RARB: variants seen among roughly 807,000 people sequenced by gnomAD.
RARB encodes HBV-activated protein.
RARB carries 17 observed loss-of-function variants against 51.9 expected under a neutral mutation model. The observed-to-expected ratio is 0.33, with a 90% CI of 0.22 to 0.49. The LOEUF is 0.49. Ranked by LOEUF, RARB falls within the 20% of genes least tolerant of loss-of-function variation. The probability of loss-of-function intolerance (pLI) is 0.99; values close to 1 mark genes in which losing one functional copy is unlikely to be tolerated. For missense variants in RARB, 369 were observed against 550.8 expected (o/e 0.67, Z 3.30); for synonymous variants, 215 against 195.4 (o/e 1.10, Z -0.84).
chr3:25,407,628 T>G (rs1707447248), intron 5 of RARB, among the ~76,000 whole-genome samples: 1 of 152,186 alleles, frequency 6.6e-6, no homozygotes. Flanking sequence ...TTTGCACATG[T>G]GCACATGCAT....
rs779240133 is a variant in RARB at position 25,200,289 on chromosome 3, GT to G, written c.178+25725del. ...ATATCATTTGCCCACTTTCTGGTGG[GT>G]TTTTTTTTTTCTTGTAAATTTGTTT... On this transcript the variant is annotated intron_variant, in intron 5 of 11. Coordinates refer to the RARB transcript ENST00000383772. 4.2e-3 allele frequency among the ~76,000 whole-genome samples: 608 copies of G among 146,270 alleles called. 1 individual carries two copies. Among genetic ancestry groups the G allele is most frequent in the African/African-American group, 0.01 (421 of 40,204 alleles).
intron 2 of RARB, among the ~76,000 whole-genome samples, chr3:25,046,807 A>T (rs1306045822): frequency 2.6e-5 from 4 of 152,192 alleles, no homozygotes; most frequent in African/African-American, 4.8e-5. Context: ...ATTAAGCTTG[A>T]CTAATAGTTA....
intron 2 of RARB, among the ~76,000 whole-genome samples, chr3:24,959,516 G>C (rs1307196689): frequency 6.6e-6 from 1 of 152,272 alleles, no homozygotes; most frequent in South Asian, 2.1e-4. Flanking sequence ...CATGGAGTGG[G>C]GCGGGGTAGG....
chr3:25,360,151 G>T (rs997407560), intron 5 of RARB, among the ~76,000 whole-genome samples: 1 of 152,164 alleles, frequency 6.6e-6, no homozygotes, highest in Non-Finnish European at 1.5e-5. Context: ...TTATGAATCT[G>T]GGTGCTCCTG....
intron 2 of RARB, among the ~76,000 whole-genome samples, chr3:24,910,582 T>C (rs1417061594): frequency 2.0e-5 from 3 of 152,204 alleles, no homozygotes; most frequent in African/African-American, 4.8e-5. Flanking sequence ...AGAGGCTCAA[T>C]ATGATAAAAG....
chr3:25,527,778 G>A (rs77752358), intron 3 of RARB, among the ~76,000 whole-genome samples: 3,175 of 152,208 alleles, frequency 0.021, 109 homozygotes, highest in African/African-American at 0.073. Context: ...GACTAAAACT[G>A]TAAAACTAAC....
intron 4 of RARB, among the ~76,000 whole-genome samples, chr3:25,572,753 G>A (rs1198783909): frequency 1.3e-5 from 2 of 152,128 alleles, no homozygotes; most frequent in Admixed American, 6.5e-5. Context: ...AGGTCATGAG[G>A]TGAGCGACTT....
chr3:25,045,127 G>A (rs1224858355), intron 2 of RARB, among the ~76,000 whole-genome samples: 3 of 152,170 alleles, frequency 2.0e-5, no homozygotes, highest in Non-Finnish European at 2.9e-5. Flanking sequence ...TCTGTTTCTA[G>A]GAAATGACTG....
At chr3:25,301,778 AC>A (rs372518828) in intron 5 of RARB, among the ~76,000 whole-genome samples, 29 of 152,346 alleles carry the variant, frequency 1.9e-4, no homozygotes, top group African/African-American at 7.0e-4. Context: ...GGCTTCAGCC[AC>A]AGTGGAAAGT....
At chr3:24,873,771 T>A (rs534395042) in intron 2 of RARB, among the ~76,000 whole-genome samples, 171 of 152,148 alleles carry the variant, frequency 1.1e-3, no homozygotes, top group Non-Finnish European at 2.1e-3. Flanking sequence ...ATTATTTGAT[T>A]ATCTTTGAAT....
chr3:25,516,377 A>G (rs1024493553), intron 3 of RARB, among the ~76,000 whole-genome samples: 80 of 152,208 alleles, frequency 5.3e-4, no homozygotes, highest in Non-Finnish European at 2.1e-4. Context: ...GTGATTTATG[A>G]ACTTATGTGG....
chr3:25,034,861 G>C (rs1353876628), intron 2 of RARB, among the ~76,000 whole-genome samples: 3 of 152,148 alleles, frequency 2.0e-5, no homozygotes, highest in Admixed American at 1.3e-4. Flanking sequence ...GGAAACATTG[G>C]AGTGCCATTT....
chr3:25,250,313 G>T lies in RARB; in HGVS notation c.178+75738G>T, dbSNP rs112069567. ...TCTATCCTCAGGCTCCATGTGATGTGTGCAGGCACTGGCTAGGGTAGACAG... is the reference window on the plus strand; with the variant it reads ...TCTATCCTCAGGCTCCATGTGATGTTTGCAGGCACTGGCTAGGGTAGACAG... On this transcript the variant is annotated intron_variant, in intron 5 of 11. Coordinates refer to the RARB transcript ENST00000383772. Among the ~76,000 whole-genome samples, 428 of 152,304 alleles carry T rather than the reference G, an allele frequency of 2.8e-3. 3 individuals are homozygous for T. Among genetic ancestry groups the T allele is most frequent in the African/African-American group, 9.9e-3 (413 of 41,570 alleles).
In RARB at chr3:25,411,395, C is replaced by T. The variant is rs148654776; in HGVS notation, c.179-49798C>T. Among the ~76,000 whole-genome samples the T allele has an allele frequency of 9.4e-4, 143 of 152,316 alleles. 1 individual carries two copies. Among genetic ancestry groups the T allele is most frequent in the Admixed American group, 7.9e-3 (121 of 15,304 alleles). On this transcript the variant is annotated intron_variant, in intron 5 of 11. Coordinates refer to the RARB transcript ENST00000383772. Reference sequence around the variant, plus strand: ...TACAAAACACACTTTTCCCTCAACTCACAAGGTAATCCCATCTTGGGAGAT... The same window carrying T: ...TACAAAACACACTTTTCCCTCAACTTACAAGGTAATCCCATCTTGGGAGAT...
At position 25,205,902 on chromosome 3, in the gene RARB, C is replaced by G. The variant is rs143458727; in HGVS notation, c.178+31327C>G. On this transcript the variant is annotated intron_variant, in intron 5 of 11. Transcript: ENST00000383772. ...AGGACTACAGGCATGAGCCATCATG[C>G]CCAGCTAATTTTTTTTCTTCTACAA... 3.8e-3 allele frequency among the ~76,000 whole-genome samples: 582 copies of G among 152,106 alleles called. 2 individuals are homozygous for G. The highest frequency in any genetic ancestry group is 0.013 in the African/African-American group (541 of 41,494).
chr3:25,497,881 G>A (rs572331327), intron 2 of RARB, among the ~76,000 whole-genome samples: 2 of 152,294 alleles, frequency 1.3e-5, no homozygotes, highest in East Asian at 3.9e-4. Context: ...TTTTAGGTGG[G>A]AAAGATCCAT....
chr3:24,951,193 T>C (rs1355724404), intron 2 of RARB, among the ~76,000 whole-genome samples: 3 of 152,166 alleles, frequency 2.0e-5, no homozygotes, highest in East Asian at 1.9e-4. Context: ...TGGTTGCATT[T>C]CCAACCAGGC....
intron 2 of RARB, among the ~76,000 whole-genome samples, chr3:24,965,660 G>T (rs1444843463): frequency 6.6e-6 from 1 of 152,060 alleles, no homozygotes; most frequent in Non-Finnish European, 1.5e-5. Flanking sequence ...TTTAGTATCT[G>T]TCTCACACAG....
At chr3:25,248,454 C>A (rs760401489) in intron 5 of RARB, among the ~76,000 whole-genome samples, 3 of 152,050 alleles carry the variant, frequency 2.0e-5, no homozygotes, top group Non-Finnish European at 4.4e-5. Context: ...TTCTTTCTCT[C>A]CTGTTTATCA....
Sources: allele counts gnomAD v4.1 joint callset (sites outside exome capture counted in the v4.1 genomes callset), GRCh38; gene constraint gnomAD v4.1.1; transcripts MANE v1.5; gene names NCBI Gene and HGNC (gene_info 2026-07-23, HGNC 2026-07-21).